The following FHIT variants were observed in gnomAD, a reference collection of about 807,000 sequenced individuals.
FHIT encodes bis(5'-adenosyl)-triphosphatase.
Under a neutral mutation model 17.9 loss-of-function variants are expected in FHIT, and 19 were observed. The ratio of observed to expected loss-of-function variants is 1.06; its 90% CI spans 0.74 to 1.56. The LOEUF is 1.56. Ranked by LOEUF, FHIT falls within the 40% of genes most tolerant of loss-of-function variation. The pLI is 0.00. For synonymous variants in FHIT, 81 were observed against 69.7 expected, an observed-to-expected ratio of 1.16 and a Z score of -0.81; for missense variants, 248 against 189.2, an observed-to-expected ratio of 1.31 and a Z score of -1.82.
At chr3:60,032,940 T>G (rs574004374) in intron 5 of FHIT, among the ~76,000 whole-genome samples, 8 of 151,756 alleles carry the variant, frequency 5.3e-5, no homozygotes, top group Admixed American at 2.0e-4. Context: ...AAACACAAGA[T>G]AGAGAAACAA....
intron 4 of FHIT, among the ~76,000 whole-genome samples, chr3:60,595,546 T>C (rs1445487425): frequency 6.6e-6 from 1 of 151,370 alleles, no homozygotes; most frequent in African/African-American, 2.4e-5. Flanking sequence ...TATATGTGTG[T>C]GTATATATGG....
chr3:61,205,368 C>T (rs2039189309), intron 1 of FHIT, among the ~76,000 whole-genome samples: 1 of 152,138 alleles, frequency 6.6e-6, no homozygotes, highest in Non-Finnish European at 1.5e-5. Flanking sequence ...AATGGTATAT[C>T]TAGTTCTAGA....
intron 3 of FHIT, among the ~76,000 whole-genome samples, chr3:60,912,398 C>A (rs1706791741): frequency 6.6e-6 from 1 of 152,082 alleles, no homozygotes; most frequent in African/African-American, 2.4e-5. Flanking sequence ...TATTCATCAA[C>A]AAACTGATGA....
intron 4 of FHIT, among the ~76,000 whole-genome samples, chr3:60,703,695 C>G (rs1172742175): frequency 6.6e-6 from 1 of 152,042 alleles, no homozygotes; most frequent in African/African-American, 2.4e-5. Flanking sequence ...TCTCTATAGT[C>G]TTGAATTGTT....
At chr3:60,371,253 G>C (rs1215771293) in intron 5 of FHIT, among the ~76,000 whole-genome samples, 1 of 152,174 alleles carries the variant, frequency 6.6e-6, no homozygotes, top group African/African-American at 2.4e-5. Flanking sequence ...CTAGCACAAT[G>C]CTTCACCATA....
chr3:60,078,172 C>T (rs191972610), intron 5 of FHIT, among the ~76,000 whole-genome samples: 26 of 152,140 alleles, frequency 1.7e-4, no homozygotes, highest in Admixed American at 4.6e-4. Flanking sequence ...AAACATACTA[C>T]ATTTTCTACA....
intron 5 of FHIT, among the ~76,000 whole-genome samples, chr3:60,046,419 C>T (rs947356611): frequency 6.6e-6 from 1 of 152,188 alleles, no homozygotes; most frequent in African/African-American, 2.4e-5. Flanking sequence ...GGGCTGCCAT[C>T]GGTGTTTACA....
At chr3:60,520,633 G>C (rs2035322012) in intron 5 of FHIT, among the ~76,000 whole-genome samples, 1 of 151,102 alleles carries the variant, frequency 6.6e-6, no homozygotes, top group East Asian at 1.9e-4. Flanking sequence ...CAGGATTGCA[G>C]AGATGCTTCA....
chr3:60,049,946 TAATA>T (rs957824547), intron 5 of FHIT, among the ~76,000 whole-genome samples: 15 of 152,344 alleles, frequency 9.8e-5, no homozygotes, highest in African/African-American at 3.6e-4. Context: ...GCATCCTCAC[TAATA>T]CTTATTATGA....
At chr3:60,189,949 A>G (rs1283486081) in intron 5 of FHIT, among the ~76,000 whole-genome samples, 1 of 152,132 alleles carries the variant, frequency 6.6e-6, no homozygotes, top group African/African-American at 2.4e-5. Flanking sequence ...TCAAAGAGAG[A>G]AGAAGGACCA....
rs554289946 is a variant in FHIT, at chr3:60,811,935, T to C, written c.-18+9984A>G. Among the ~76,000 whole-genome samples, 77 of 152,268 alleles carry C rather than the reference T, an allele frequency of 5.1e-4. 2 individuals carry two copies. In the South Asian group the frequency reaches 0.016, roughly 31 times the overall value. On this transcript the variant is annotated intron_variant, in intron 4 of 9. Transcript: ENST00000492590. ...TTTTAAAAGTCTGAAATGTTGACTC[T>C]AAGAAATAATTGTAGTTCTACTAAT...
chr3:60,362,370 A>G (rs951238065), intron 5 of FHIT, among the ~76,000 whole-genome samples: 1 of 152,220 alleles, frequency 6.6e-6, no homozygotes, highest in African/African-American at 2.4e-5. Context: ...CTTATCAAAC[A>G]TGAAGGCTTT....
intron 5 of FHIT, among the ~76,000 whole-genome samples, chr3:60,354,039 G>T (rs979091062): frequency 2.6e-4 from 39 of 152,036 alleles, no homozygotes; most frequent in African/African-American, 9.4e-4. Flanking sequence ...TCACGATGAT[G>T]GGCTGGAGAA....
At chr3:60,545,962 T>C (rs2036346390) in intron 4 of FHIT, among the ~76,000 whole-genome samples, 2 of 152,234 alleles carry the variant, frequency 1.3e-5, no homozygotes, top group South Asian at 4.1e-4. Flanking sequence ...TATTGTTTTC[T>C]GTACCTCAAA....
intron 4 of FHIT, among the ~76,000 whole-genome samples, chr3:60,581,053 T>C (rs2037734426): frequency 6.6e-6 from 1 of 151,994 alleles, no homozygotes; most frequent in South Asian, 2.1e-4. Flanking sequence ...AGTTAGAGAG[T>C]ACACAAGAAG....
chr3:60,070,871 C>T (rs1018045575), intron 5 of FHIT, among the ~76,000 whole-genome samples: 2 of 152,130 alleles, frequency 1.3e-5, no homozygotes, highest in Admixed American at 6.5e-5. Context: ...TTAAGGGATT[C>T]GGCTAAAATC....
At chr3:60,990,711 G>A (rs1201754461) in intron 3 of FHIT, among the ~76,000 whole-genome samples, 2 of 152,136 alleles carry the variant, frequency 1.3e-5, no homozygotes, top group Admixed American at 6.5e-5. Flanking sequence ...CCGCGATTGC[G>A]AGCATCTTCC....
At chr3:60,572,525 T>C (rs771117614) in intron 4 of FHIT, among the ~76,000 whole-genome samples, 3 of 151,970 alleles carry the variant, frequency 2.0e-5, no homozygotes, top group Non-Finnish European at 4.4e-5. Flanking sequence ...ATCACACAAA[T>C]GCACATACAT....
chr3:60,644,415 TG>T (rs2039802990), intron 4 of FHIT, among the ~76,000 whole-genome samples: 1 of 152,196 alleles, frequency 6.6e-6, no homozygotes, highest in African/African-American at 2.4e-5. Flanking sequence ...ATTATTTTAC[TG>T]AAAAAAATGG....
Sources: allele counts gnomAD v4.1 joint callset (sites outside exome capture counted in the v4.1 genomes callset), GRCh38; gene constraint gnomAD v4.1.1; transcripts MANE v1.5; gene names NCBI Gene and HGNC (gene_info 2026-07-23, HGNC 2026-07-21).